PCDH9: variants seen among roughly 807,000 people sequenced by gnomAD.
The protein encoded by PCDH9 is protocadherin 9, also known as protocadherin-9.
In PCDH9, 24 loss-of-function variants were observed where a neutral mutation model predicts 70.6. The observed-to-expected ratio is 0.34, with a 90% CI of 0.25 to 0.48. The LOEUF (loss-of-function observed/expected upper bound fraction) is 0.48, where lower values mean the gene tolerates loss of function less well. PCDH9 is among the 20% of genes least tolerant of loss of function. The probability of loss-of-function intolerance (pLI) is 0.99; values close to 1 mark genes in which losing one functional copy is unlikely to be tolerated. For synonymous variants in PCDH9, 562 were observed against 558.5 expected (o/e 1.01, Z -0.09); for missense variants, 1,281 against 1,503.6 (o/e 0.85, Z 2.45).
At chr13:67,172,524 C>T (rs889177183) in intron 2 of PCDH9, among the ~76,000 whole-genome samples, 1 of 151,958 alleles carries the variant, frequency 6.6e-6, no homozygotes, top group South Asian at 2.1e-4. Flanking sequence ...TTTGAGGGAA[C>T]CTGAGAATTG....
chr13:66,400,236 C>G (rs866433480), intron 4 of PCDH9, among the ~76,000 whole-genome samples: 1 of 152,152 alleles, frequency 6.6e-6, no homozygotes, highest in Non-Finnish European at 1.5e-5. Context: ...TAATAATCAG[C>G]TAAATATACC....
intron 2 of PCDH9, chr13:67,210,974 G>A (rs980115053): frequency 6.6e-6 from 1 of 151,962 alleles, no homozygotes; most frequent in African/African-American, 2.4e-5. Context: ...ACTACAGACA[G>A]AGCAACTATC....
chr13:67,172,442 G>A (rs940602525), intron 2 of PCDH9, among the ~76,000 whole-genome samples: 2 of 152,176 alleles, frequency 1.3e-5, no homozygotes, highest in Admixed American at 6.5e-5. Flanking sequence ...TAAATGGGGA[G>A]TAAGATGAAG....
chr13:66,707,014 A>T (rs2078720347), intron 3 of PCDH9, among the ~76,000 whole-genome samples: 1 of 152,204 alleles, frequency 6.6e-6, no homozygotes, highest in Non-Finnish European at 1.5e-5. Context: ...AAAGAAGAAT[A>T]AATCAGAATA....
intron 4 of PCDH9, among the ~76,000 whole-genome samples, chr13:66,396,576 AATAG>A (rs1461466124): frequency 1.6e-5 from 2 of 127,288 alleles, no homozygotes; most frequent in Non-Finnish European, 3.6e-5. Context: ...GAATATACGA[AATAG>A]ATAGACAGAC....
At chr13:66,629,968 A>G (rs1566467804) in intron 4 of PCDH9, among the ~76,000 whole-genome samples, 1 of 152,168 alleles carries the variant, frequency 6.6e-6, no homozygotes, top group Non-Finnish European at 1.5e-5. Context: ...GCCCTGTTGT[A>G]TGTTTTACCT....
chr13:66,668,807 T>A (rs887164553), intron 3 of PCDH9, among the ~76,000 whole-genome samples: 1 of 152,192 alleles, frequency 6.6e-6, no homozygotes, highest in Non-Finnish European at 1.5e-5. Flanking sequence ...CGTCAGTTCA[T>A]TATAATGCAG....
chr13:66,501,516 A>C (rs946304766), intron 4 of PCDH9, among the ~76,000 whole-genome samples: 3 of 152,010 alleles, frequency 2.0e-5, no homozygotes, highest in Non-Finnish European at 4.4e-5. Context: ...CTCCCATTCC[A>C]TTTTCTCCTG....
At chr13:66,622,676 G>GC (rs1249951484) in intron 4 of PCDH9, among the ~76,000 whole-genome samples, 1 of 152,124 alleles carries the variant, frequency 6.6e-6, no homozygotes, top group Non-Finnish European at 1.5e-5. Flanking sequence ...GATTGTAAAC[G>GC]CACCAATCAG....
intron 2 of PCDH9, among the ~76,000 whole-genome samples, chr13:66,976,899 G>A (rs2083631712): frequency 6.6e-6 from 1 of 151,920 alleles, no homozygotes; most frequent in Admixed American, 6.6e-5. Context: ...AATTCCTGAG[G>A]GTAAAGATAA....
At chr13:66,594,144 A>T (rs960646211) in intron 4 of PCDH9, among the ~76,000 whole-genome samples, 3 of 151,812 alleles carry the variant, frequency 2.0e-5, no homozygotes, top group Non-Finnish European at 4.4e-5. Flanking sequence ...TGAAGTCAGA[A>T]TAATATGACT....
intron 3 of PCDH9, among the ~76,000 whole-genome samples, chr13:66,654,770 C>T (rs566831098): frequency 1.3e-5 from 2 of 152,118 alleles, no homozygotes; most frequent in African/African-American, 4.8e-5. Flanking sequence ...AGTGGCATGA[C>T]GACCTCAGCT....
intron 4 of PCDH9, among the ~76,000 whole-genome samples, chr13:66,540,427 A>C (rs1960904060): frequency 6.6e-6 from 1 of 152,172 alleles, no homozygotes; most frequent in Non-Finnish European, 1.5e-5. Flanking sequence ...TGTAAGTTAA[A>C]GGTAACTTCT....
intron 2 of PCDH9, among the ~76,000 whole-genome samples, chr13:67,098,705 G>A (rs888753324): frequency 3.3e-5 from 5 of 150,958 alleles, no homozygotes; most frequent in Non-Finnish European, 7.4e-5. Flanking sequence ...ATCATTGCTT[G>A]GAAATACAAA....
intron 3 of PCDH9, among the ~76,000 whole-genome samples, chr13:66,843,192 A>G (rs2081145743): frequency 6.6e-6 from 1 of 152,190 alleles, no homozygotes; most frequent in South Asian, 2.1e-4. Context: ...CTGCTTTGAG[A>G]TTTAAGTGGT....
intron 3 of PCDH9, among the ~76,000 whole-genome samples, chr13:66,873,479 A>G (rs552105419): frequency 6.6e-6 from 1 of 152,218 alleles, no homozygotes; most frequent in African/African-American, 2.4e-5. Flanking sequence ...CACCAAGCCA[A>G]CCTGTTCCAT....
At chr13:66,968,946 C>A (rs781024784) in intron 2 of PCDH9, among the ~76,000 whole-genome samples, 1 of 152,024 alleles carries the variant, frequency 6.6e-6, no homozygotes, top group Non-Finnish European at 1.5e-5. Context: ...CAATCCACAG[C>A]CTGCCTGTTA....
intron 3 of PCDH9, among the ~76,000 whole-genome samples, chr13:66,664,558 G>A (rs2078066324): frequency 6.6e-6 from 1 of 151,986 alleles, no homozygotes; most frequent in African/African-American, 2.4e-5. Context: ...AAGCACTGTA[G>A]TAGACAACAG....
At chr13:66,364,643 C>A (rs1012457103) in intron 4 of PCDH9, among the ~76,000 whole-genome samples, 2 of 152,078 alleles carry the variant, frequency 1.3e-5, no homozygotes, top group African/African-American at 4.8e-5. Flanking sequence ...AAATACATTA[C>A]CAGTGTACAC....
Sources: gnomAD v4.1 joint callset for allele counts (sites outside exome capture counted in the v4.1 genomes callset) on GRCh38, gnomAD v4.1.1 for gene constraint, MANE v1.5 for transcripts, NCBI Gene and HGNC (gene_info 2026-07-23, HGNC 2026-07-21) for gene names.